The following TMEM164 variants were observed in gnomAD, a reference collection of about 807,000 sequenced individuals.
TMEM164 encodes the protein transmembrane protein 164.
Under a neutral mutation model 18.8 loss-of-function variants are expected in TMEM164, and 4 were observed. The observed-to-expected ratio is 0.21, with a 90% CI of 0.10 to 0.49. The LOEUF (loss-of-function observed/expected upper bound fraction) is 0.49. Ranked by LOEUF, TMEM164 falls within the 20% of genes least tolerant of loss-of-function variation. TMEM164 has a pLI of 0.98. For synonymous variants in TMEM164, 86 were observed against 101.7 expected (o/e 0.85, Z 0.93); for missense variants, 108 against 239.9 (o/e 0.45, Z 3.63).
intron 4 of TMEM164, among the ~76,000 whole-genome samples, chrX:110,141,861 T>C (rs1286640487): frequency 9.1e-6 from 1 of 110,355 alleles, no homozygotes; most frequent in Non-Finnish European, 1.9e-5. Flanking sequence ...TACATCTTCT[T>C]CCCTTTCTCT....
At chrX:110,087,649 G>A (rs896748088) in intron 3 of TMEM164, among the ~76,000 whole-genome samples, 5 of 110,571 alleles carry the variant, frequency 4.5e-5, no homozygotes, top group Middle Eastern at 4.2e-3. Context: ...TAAATGGCAG[G>A]AAACTCTTCC....
chrX:110,107,813 C>G (rs994587196), intron 3 of TMEM164, among the ~76,000 whole-genome samples: 12 of 109,903 alleles, frequency 1.1e-4, no homozygotes, highest in Non-Finnish European at 2.1e-4. Flanking sequence ...GCGCCTGCCA[C>G]CATGCCTGGC....
chrX:110,114,772 G>A (rs990019331), intron 4 of TMEM164, among the ~76,000 whole-genome samples: 2 of 112,027 alleles, frequency 1.8e-5, no homozygotes, highest in African/African-American at 6.5e-5. Context: ...GCCTGCATTT[G>A]TGTTTGTACC....
At chrX:110,149,922 C>T (rs750486429) in intron 5 of TMEM164, among the ~76,000 whole-genome samples, 139 of 111,841 alleles carry the variant, frequency 1.2e-3, no homozygotes, top group African/African-American at 4.3e-3. Flanking sequence ...GTTCATCTCA[C>T]ATATATTAAC....
intron 2 of TMEM164, among the ~76,000 whole-genome samples, chrX:110,063,593 C>G (rs1258519743): frequency 9.0e-6 from 1 of 111,368 alleles, no homozygotes; most frequent in African/African-American, 3.3e-5. Flanking sequence ...AAGGTTAGTA[C>G]AGGGATCTTT....
chrX:110,030,886 G>A (rs1418398679), intron 2 of TMEM164, among the ~76,000 whole-genome samples: 5 of 110,599 alleles, frequency 4.5e-5, no homozygotes, highest in Non-Finnish European at 9.5e-5. Context: ...GATACATTGT[G>A]TCTTATAATT....
intron 4 of TMEM164, among the ~76,000 whole-genome samples, chrX:110,124,176 A>AAGGAAGGAAGGAAGGAAGGC (rs59507144): frequency 4.0e-4 from 31 of 77,165 alleles, no homozygotes; most frequent in East Asian, 3.3e-3. Context: ...GGAAGGAAGG[A>AAGGAAGGAAGGAAGGAAGGC]AGGCAGGAAG....
intron 4 of TMEM164, among the ~76,000 whole-genome samples, chrX:110,134,561 A>C (rs2066659996): frequency 6.8e-5 from 1 of 14,739 alleles, no homozygotes; most frequent in Non-Finnish European, 2.6e-4. Context: ...CTCTGTCTCA[A>C]AAAAAAAAAA....
intron 2 of TMEM164, among the ~76,000 whole-genome samples, chrX:110,032,905 T>A (rs923906130): frequency 5.4e-5 from 6 of 112,029 alleles, no homozygotes; most frequent in Admixed American, 1.9e-4. Flanking sequence ...TATGGCCAAT[T>A]TTGGTAGACA....
rs147901828 is a variant in TMEM164, at chrX:110,042,804, T to G, written c.391-24543T>G. Among the ~76,000 whole-genome samples, 8 of 112,726 alleles carry G rather than the reference T, an allele frequency of 7.1e-5. No individual in the cohort carries two copies. The East Asian group carries it at 2.2e-3, about 31-fold the overall frequency. On this transcript the variant is annotated intron_variant, in intron 2 of 6. Coordinates refer to ENST00000372068, the MANE Select transcript of TMEM164 (RefSeq NM_032227.4). The stretch of plus-strand genomic sequence containing the variant: ...TGTTGAAGTTTATTTCATGTGCTTA[T>G]TAGCCATTTGTATATCTTCTTTGGA...
chrX:110,104,106 C>T (rs1291461635), intron 3 of TMEM164, among the ~76,000 whole-genome samples: 3 of 111,931 alleles, frequency 2.7e-5, no homozygotes, highest in Non-Finnish European at 5.6e-5. Flanking sequence ...CTAAAATATA[C>T]ACAATCTATT....
At chrX:110,134,719 G>C (rs1017490538) in intron 4 of TMEM164, among the ~76,000 whole-genome samples, 9 of 109,181 alleles carry the variant, frequency 8.2e-5, no homozygotes, top group African/African-American at 3.0e-4. Flanking sequence ...GTGAGGAGTG[G>C]GAGTAGGGTC....
rs781321406 is a variant in TMEM164 at position 110,176,125 on chromosome X, G to T, written c.*2674G>T. The T allele has an allele frequency of 3.4e-5, 26 of 755,162 alleles. No individual in the cohort carries two copies. In the African/African-American group the frequency reaches 5.5e-4, roughly 16 times the overall value. The allele number at this position is 755,162 out of a possible 1,213,427, so 62.2% of individuals were successfully genotyped here. ...TGTGGGAGCTCTGCGCGTGTGTGAG[G>T]GTGTTTGTAGAAGAGGGCAGTTTCC... On this transcript the variant is annotated 3_prime_UTR_variant, in exon 7 of 7. Transcript: ENST00000372068.
In TMEM164 at chrX:110,056,883, G is replaced by GT. The variant is rs1464683746; in HGVS notation, c.391-10457dup. On this transcript the variant is annotated intron_variant, in intron 2 of 6. Coordinates refer to ENST00000372068, the MANE Select transcript of TMEM164 (RefSeq NM_032227.4). The stretch of plus-strand genomic sequence containing the variant: ...AGGTTATTTATCTTTTTATTGTTGA[G>GT]TTTTTTTAATACTTTAGCTATTTTT... 1.0e-4 allele frequency among the ~76,000 whole-genome samples: 11 copies of GT among 110,046 alleles called. No individual in the cohort carries two copies. The South Asian group carries it at 1.5e-3, about 15-fold the overall frequency.
At chrX:110,008,726 C>T (rs1315884285) in intron 2 of TMEM164, among the ~76,000 whole-genome samples, 1 of 111,499 alleles carries the variant, frequency 9.0e-6, no homozygotes, top group African/African-American at 3.3e-5. Flanking sequence ...TGGCTTGCTA[C>T]AGGAACCTCA....
intron 4 of TMEM164, among the ~76,000 whole-genome samples, chrX:110,135,703 A>G (rs2066681615): frequency 8.9e-6 from 1 of 112,230 alleles, no homozygotes. Flanking sequence ...ACAAATTTTC[A>G]AACATATTGA....
At chrX:110,077,156 A>G (rs1412872021) in intron 3 of TMEM164, among the ~76,000 whole-genome samples, 2 of 112,418 alleles carry the variant, frequency 1.8e-5, no homozygotes, top group Non-Finnish European at 3.8e-5. Context: ...GTGCATATAT[A>G]TTCAGGATAG....
At chrX:110,056,561 G>A (rs1935842817) in intron 2 of TMEM164, among the ~76,000 whole-genome samples, 1 of 111,909 alleles carries the variant, frequency 8.9e-6, no homozygotes, top group East Asian at 2.8e-4. Flanking sequence ...AGGTATAGGA[G>A]TGGAATTGCT....
At chrX:110,051,605 G>GAAAC (rs1203947067) in intron 2 of TMEM164, among the ~76,000 whole-genome samples, 12 of 109,994 alleles carry the variant, frequency 1.1e-4, no homozygotes, top group African/African-American at 3.6e-4. Flanking sequence ...AAGAAAGAAA[G>GAAAC]AAAGAAAGAA....
Sources: gnomAD v4.1 joint callset for allele counts (sites outside exome capture counted in the v4.1 genomes callset) on GRCh38, gnomAD v4.1.1 for gene constraint, MANE v1.5 for transcripts, NCBI Gene and HGNC (gene_info 2026-07-23, HGNC 2026-07-21) for gene names.